COX4I2: variants seen among roughly 807,000 people sequenced by gnomAD.
COX4I2 encodes the protein cytochrome c oxidase subunit 4 isoform 2, mitochondrial.
In COX4I2, 15 loss-of-function variants were observed where a neutral mutation model predicts 20.8. The observed-to-expected ratio is 0.72, with a 90% CI of 0.48 to 1.11. The LOEUF (loss-of-function observed/expected upper bound fraction) is 1.11. COX4I2 is among the 50% of genes most tolerant of loss of function. The pLI is 0.00. For missense variants in COX4I2, 224 were observed against 223.0 expected, an observed-to-expected ratio of 1.00 and a Z score of -0.03; for synonymous variants, 80 against 78.1, an observed-to-expected ratio of 1.02 and a Z score of -0.13.
Position 31,638,362 on chromosome 20 carries a change from T to C in COX4I2, c.-1+400T>C, listed in dbSNP as rs1484996131. 3.3e-5 allele frequency among the ~76,000 whole-genome samples: 5 copies of C among 151,282 alleles called. No individual in the cohort carries two copies. In the East Asian group the frequency reaches 7.9e-4, roughly 24 times the overall value. On this transcript the variant is annotated intron_variant, in intron 1 of 4. Coordinates refer to ENST00000376075, the MANE Select transcript of COX4I2 (RefSeq NM_032609.3). ...TTCCCCAGATGTGTGTCTCCCTCCCTCTGACCCAGTTAAGTCCCCATCCTC... is the reference window on the plus strand; with the variant it reads ...TTCCCCAGATGTGTGTCTCCCTCCCCCTGACCCAGTTAAGTCCCCATCCTC...
rs2060452009 is a variant in COX4I2 at position 31,639,090 on chromosome 20, G to T, written c.73G>T (p.Glu25Ter). ...TGGAAGACGAGGGATGCACAGCTCA[G>T]AAGGCACCAGTGAGACCTGGACTCC... ...GGGRRGMHSS[E>*]GTTRGGGKMS... The change falls in exon 2 of 5, where the codon GAA becomes TAA. Residue 25 changes from glutamate (E) to a stop codon, truncating the protein, a stop_gained. Transcript: ENST00000376075. LOFTEE classifies it high-confidence loss of function. The T allele has an allele frequency of 6.2e-7, 1 of 1,610,786 alleles. No individual in the cohort carries two copies. The highest frequency in any genetic ancestry group is 1.7e-5 in the Admixed American group (1 of 59,534).
intron 3 of COX4I2, among the ~76,000 whole-genome samples, chr20:31,642,286 G>C (rs866370594): frequency 1.3e-4 from 20 of 152,136 alleles, no homozygotes; most frequent in African/African-American, 4.6e-4. Flanking sequence ...CATTGTCTCA[G>C]CCTGAACCGC....
rs770106938 is a variant in COX4I2, at chr20:31,643,396, G to A, written c.248-8G>A. ...TGAGGCCCCTTCCCCACACCCAACTGCCTCCAGTGTACCGGCTCCAGTTCA... is the reference window on the plus strand; with the variant it reads ...TGAGGCCCCTTCCCCACACCCAACTACCTCCAGTGTACCGGCTCCAGTTCA... On this transcript the variant is annotated splice_region_variant and splice_polypyrimidine_tract_variant and intron_variant, in intron 3 of 4. Transcript: ENST00000376075. The A allele has an allele frequency of 3.8e-5, 61 of 1,613,894 alleles. No individual in the cohort carries two copies.
At chr20:31,639,777 C>T (rs1600718267) in intron 2 of COX4I2, among the ~76,000 whole-genome samples, 156 bp from the exon 3 acceptor site, 1 of 151,930 alleles carries the variant, frequency 6.6e-6, no homozygotes, top group Non-Finnish European at 1.5e-5. Flanking sequence ...AGGCTGGTCT[C>T]GAACTCCTGA....
At position 31,644,747 on chromosome 20, in the gene COX4I2, CA is replaced by C; in HGVS notation, c.380-20del. 6.2e-7 allele frequency: 1 copy of C among 1,613,714 alleles called. No individual in the cohort carries two copies. The highest frequency in any genetic ancestry group is 8.5e-7 in the Non-Finnish European group (1 of 1,179,786). The stretch of plus-strand genomic sequence containing the variant: ...TAGGAAGACTGGCAGGATCCTGATC[CA>C]CCCCATGTACTCCCTGCAGTATTTC... On this transcript the variant is annotated intron_variant, in intron 4 of 4. Transcript: ENST00000376075.
At chr20:31,641,450 C>G (rs2060467670) in intron 3 of COX4I2, among the ~76,000 whole-genome samples, 1 of 152,166 alleles carries the variant, frequency 6.6e-6, no homozygotes, top group Admixed American at 6.6e-5. Context: ...CTAATATGTC[C>G]TGCACGCTTA....
rs1252599123 is a variant in COX4I2 at position 31,639,014 on chromosome 20, C to G, written c.1-4C>G. ...AGAACTCATCTATACCTTCACGCCC[C>G]CAGATGCTCCCCAGAGCTGCCTGGA... On this transcript the variant is annotated splice_region_variant and splice_polypyrimidine_tract_variant and intron_variant, in intron 1 of 4. Coordinates refer to ENST00000376075, the MANE Select transcript of COX4I2 (RefSeq NM_032609.3). 1 of 1,609,042 alleles carries G rather than the reference C, an allele frequency of 6.2e-7. No homozygotes were observed. The highest frequency in any genetic ancestry group is 2.2e-5 in the East Asian group (1 of 44,786).
At chr20:31,642,508 C>T (rs2060474233) in intron 3 of COX4I2, among the ~76,000 whole-genome samples, 1 of 133,160 alleles carries the variant, frequency 7.5e-6, no homozygotes, top group African/African-American at 2.9e-5. Context: ...GGCATGATCT[C>T]GGCTCACTGC....
Position 31,640,078 on chromosome 20 carries a change from C to G in COX4I2, c.228C>G (p.Thr76=). ...EKEKGSWTQL[T]HAEKVALYRL... Reference sequence around the variant, plus strand: ...AGAAGGGAAGCTGGACCCAGCTGACCCACGCCGAAAAGGTGGCCTGTAAGT... The same window carrying G: ...AGAAGGGAAGCTGGACCCAGCTGACGCACGCCGAAAAGGTGGCCTGTAAGT... Residue 76 remains threonine (T), a synonymous_variant, in exon 3 of 5, where the codon ACC becomes ACG. Coordinates refer to ENST00000376075, the MANE Select transcript of COX4I2 (RefSeq NM_032609.3). 6.2e-7 allele frequency: 1 copy of G among 1,611,668 alleles called. No homozygotes were observed. Among genetic ancestry groups the G allele is most frequent in the South Asian group, 1.1e-5 (1 of 91,002 alleles).
At position 31,640,033 on chromosome 20, in the gene COX4I2, G is replaced by T; in HGVS notation, c.183G>T (p.Glu61Asp). The T allele has an allele frequency of 6.2e-7, 1 of 1,613,948 alleles. No homozygotes were observed. Reference sequence around the variant, plus strand: ...TCTGCACAGAACTCAACGCTGAGGAGCAGGCCCTGAAGGAGAAGGAGAAGG... The same window carrying T: ...TCTGCACAGAACTCAACGCTGAGGATCAGGCCCTGAAGGAGAAGGAGAAGG... The part of the protein sequence containing the change: ...EPFCTELNAE[E>D]QALKEKEKGS... Residue 61 changes from glutamate to aspartate, a missense_variant, in exon 3 of 5, where the codon GAG (glutamate) becomes GAT (aspartate). Glu to Asp is a conservative substitution (Grantham distance 45). Coordinates refer to ENST00000376075, the MANE Select transcript of COX4I2 (RefSeq NM_032609.3).
rs2060457818 is a variant in COX4I2 at position 31,639,958 on chromosome 20, CTA to C, written c.109_110del (p.Tyr37HisfsTer23). The C allele has an allele frequency of 6.2e-7, 1 of 1,613,974 alleles. No individual in the cohort carries two copies. Among genetic ancestry groups the C allele is most frequent in the Admixed American group, 1.7e-5 (1 of 59,986 alleles). ...TTRGGGKMSP[Y>X]TNCYAQRYYP... ...CCCGTGGTGGGGGGAAGATGTCCCCCTACACCAACTGCTATGCCCAGCGCTAC... is the reference window on the plus strand; with the variant it reads ...CCCGTGGTGGGGGGAAGATGTCCCCCCACCAACTGCTATGCCCAGCGCTAC... On this transcript the variant is annotated frameshift_variant, in exon 3 of 5. Transcript: ENST00000376075. LOFTEE classifies it high-confidence loss of function.
intron 3 of COX4I2, among the ~76,000 whole-genome samples, chr20:31,642,438 T>A (rs2060473729): frequency 7.3e-6 from 1 of 137,252 alleles, no homozygotes; most frequent in South Asian, 2.5e-4. Context: ...GTAATTTTTT[T>A]TTTTTTTTTT....
At chr20:31,638,331 C>T (rs1322193126) in intron 1 of COX4I2, among the ~76,000 whole-genome samples, 1 of 151,724 alleles carries the variant, frequency 6.6e-6, no homozygotes, top group Non-Finnish European at 1.5e-5. Flanking sequence ...TGGGACTCCC[C>T]TTCTTTTCCC....
chr20:31,640,178 G>A (rs2060459949), intron 3 of COX4I2, 81 bp downstream of exon 3: 1 of 1,436,760 alleles, frequency 7.0e-7, no homozygotes, highest in Non-Finnish European at 9.4e-7. Context: ...GGATCAGAGG[G>A]CAGAGAGAGG....
intron 1 of COX4I2, among the ~76,000 whole-genome samples, chr20:31,638,732 G>C (rs934593090): frequency 3.9e-5 from 6 of 152,204 alleles, no homozygotes; most frequent in Non-Finnish European, 5.9e-5. Context: ...CAAGCCCTCA[G>C]CCTCAAACTC....
At chr20:31,639,151 G>A (rs1469617953) in intron 2 of COX4I2, 52 bp downstream of exon 2, 8 of 1,564,266 alleles carry the variant, frequency 5.1e-6, no homozygotes, top group Non-Finnish European at 6.1e-6. Flanking sequence ...AGGGGCAGGG[G>A]TCCCCTCTGC....
chr20:31,642,214 A>G (rs957836024), intron 3 of COX4I2, among the ~76,000 whole-genome samples: 7 of 152,078 alleles, frequency 4.6e-5, no homozygotes, highest in Non-Finnish European at 7.4e-5. Context: ...ACTGGAGTGC[A>G]TGGCCTGTGT....
chr20:31,639,097 C>G lies in COX4I2; in HGVS notation c.80C>G (p.Thr27Ser), dbSNP rs1180583017. 1 of 1,609,046 alleles carries G rather than the reference C, an allele frequency of 6.2e-7. No individual in the cohort carries two copies. Among genetic ancestry groups the G allele is most frequent in the Non-Finnish European group, 8.5e-7 (1 of 1,177,926 alleles). Residue 27 changes from threonine (T) to serine (S), a missense_variant and splice_region_variant, in exon 2 of 5, where the codon ACC (threonine) becomes AGC (serine). By Grantham distance (58) the Thr-to-Ser change is moderately conservative. Coordinates refer to ENST00000376075, the MANE Select transcript of COX4I2 (RefSeq NM_032609.3). ...GRRGMHSSEG[T>S]TRGGGKMSPY... The stretch of plus-strand genomic sequence containing the variant: ...CGAGGGATGCACAGCTCAGAAGGCA[C>G]CAGTGAGACCTGGACTCCTTCCTCC...
At chr20:31,643,952 A>G (rs966234182) in intron 4 of COX4I2, among the ~76,000 whole-genome samples, 3 of 152,166 alleles carry the variant, frequency 2.0e-5, no homozygotes, top group Non-Finnish European at 4.4e-5. Context: ...CTGGGACTAC[A>G]AGAGTGTGCC....
Sources: gnomAD v4.1 joint callset for allele counts (sites outside exome capture counted in the v4.1 genomes callset) on GRCh38, gnomAD v4.1.1 for gene constraint, MANE v1.5 for transcripts, NCBI Gene and HGNC (gene_info 2026-07-23, HGNC 2026-07-21) for gene names.